FGF14: variants seen among roughly 807,000 people sequenced by gnomAD.
The protein encoded by FGF14 is fibroblast growth factor homologous factor 4.
Under a neutral mutation model 25.5 loss-of-function variants are expected in FGF14, and 5 were observed. The ratio of observed to expected loss-of-function variants is 0.20; its 90% CI spans 0.10 to 0.41. The LOEUF (loss-of-function observed/expected upper bound fraction) is 0.41, where lower values mean the gene tolerates loss of function less well. FGF14 is among the 10% of genes least tolerant of loss of function. FGF14 has a pLI of 1.00. For synonymous variants in FGF14, 138 were observed against 118.3 expected, an observed-to-expected ratio of 1.17 and a Z score of -1.08; for missense variants, 222 against 320.1, an observed-to-expected ratio of 0.69 and a Z score of 2.34.
upstream of FGF14, among the ~76,000 whole-genome samples, chr13:101,917,260 G>A (rs1256039125): frequency 6.6e-5 from 10 of 152,088 alleles, no homozygotes; most frequent in Admixed American, 6.5e-4. Flanking sequence ...CTTCTCCCCT[G>A]AGATCTCTAA....
chr13:102,054,689 TG>T (rs1238360931), intron 1 of FGF14, among the ~76,000 whole-genome samples: 2 of 152,204 alleles, frequency 1.3e-5, no homozygotes, highest in Non-Finnish European at 2.9e-5. Context: ...ACATCGCATC[TG>T]GATGTCTAAA....
intron 1 of FGF14, among the ~76,000 whole-genome samples, chr13:101,943,866 G>A (rs2035626212): frequency 7.0e-6 from 1 of 142,636 alleles, no homozygotes; most frequent in Non-Finnish European, 1.5e-5. Flanking sequence ...GCCAGGTGTG[G>A]TGGCGCATGC....
rs80058193 is a variant in FGF14 at position 102,285,952 on chromosome 13, C to A, written c.208+115519G>T. The stretch of plus-strand genomic sequence containing the variant: ...GGTGAGGAAGACTAAGGAGGGGGTA[C>A]CCCTCATGGAACAGGATTCAATAGC... On this transcript the variant is annotated intron_variant, in intron 1 of 4. Transcript: ENST00000376131. Among the ~76,000 whole-genome samples, 1,179 of 152,156 alleles carry A rather than the reference C, an allele frequency of 7.7e-3. 14 individuals are homozygous for A. Among genetic ancestry groups the A allele is most frequent in the African/African-American group, 0.026 (1,085 of 41,490 alleles).
At chr13:101,958,953 A>G (rs1408953773) in intron 1 of FGF14, among the ~76,000 whole-genome samples, 1 of 152,228 alleles carries the variant, frequency 6.6e-6, no homozygotes, top group Non-Finnish European at 1.5e-5. Flanking sequence ...TTATTGAGAT[A>G]CACAATCAGA....
intron 1 of FGF14, among the ~76,000 whole-genome samples, chr13:101,984,448 A>G (rs2038449004): frequency 6.6e-6 from 1 of 152,170 alleles, no homozygotes; most frequent in Non-Finnish European, 1.5e-5. Context: ...AATCTGTTTA[A>G]TAAGATGGAG....
chr13:102,106,500 G>A (rs956989228), intron 1 of FGF14, among the ~76,000 whole-genome samples: 3 of 145,556 alleles, frequency 2.1e-5, no homozygotes, highest in South Asian at 4.6e-4. Context: ...CTTGAACCCA[G>A]GGAGGCGGAG....
intron 1 of FGF14, among the ~76,000 whole-genome samples, chr13:102,084,657 T>G (rs533072869): frequency 1.3e-5 from 2 of 152,250 alleles, no homozygotes; most frequent in African/African-American, 4.8e-5. Context: ...AGGAAGCAAG[T>G]TGTTGAGGCA....
intron 1 of FGF14, among the ~76,000 whole-genome samples, chr13:102,088,811 A>G (rs755910146): frequency 8.5e-5 from 13 of 152,150 alleles, no homozygotes; most frequent in Non-Finnish European, 1.9e-4. Flanking sequence ...ATTATAGAAA[A>G]TGCTTGCCGT....
At chr13:102,215,019 T>A (rs1165723827) in intron 1 of FGF14, among the ~76,000 whole-genome samples, 1 of 152,204 alleles carries the variant, frequency 6.6e-6, no homozygotes, top group African/African-American at 2.4e-5. Context: ...AGATTCTTTT[T>A]TGGTGGGAAC....
rs372320790 is a variant in FGF14 at position 101,947,523 on chromosome 13, A to C, written c.209-72227T>G. Reference sequence around the variant, plus strand: ...TACAGCCATAAAAAAGAATGAAATCATGTCCTTTGCAGCAACATGGATGCA... The same window carrying C: ...TACAGCCATAAAAAAGAATGAAATCCTGTCCTTTGCAGCAACATGGATGCA... On this transcript the variant is annotated intron_variant, in intron 1 of 4. Transcript: ENST00000376131. Among the ~76,000 whole-genome samples, 92 of 152,368 alleles carry C rather than the reference A, an allele frequency of 6.0e-4. 3 individuals carry two copies. In the South Asian group the frequency reaches 0.019, roughly 31 times the overall value.
chr13:102,115,826 A>T (rs1348333825), intron 1 of FGF14, among the ~76,000 whole-genome samples: 3 of 152,152 alleles, frequency 2.0e-5, no homozygotes, highest in African/African-American at 7.2e-5. Flanking sequence ...AAGTAGAAAA[A>T]AACAGCAGGG....
At chr13:101,855,628 T>C (rs2044085792) in intron 3 of FGF14, among the ~76,000 whole-genome samples, 1 of 151,978 alleles carries the variant, frequency 6.6e-6, no homozygotes, top group Non-Finnish European at 1.5e-5. Flanking sequence ...TTATTATTTA[T>C]AAAAAAGTTA....
At chr13:101,943,183 G>T (rs1323454334) in intron 1 of FGF14, among the ~76,000 whole-genome samples, 2 of 152,164 alleles carry the variant, frequency 1.3e-5, no homozygotes, top group Non-Finnish European at 1.5e-5. Context: ...CAGTCTAGCT[G>T]GAAAGCCTAT....
At chr13:101,895,242 G>T (rs1377376167) in intron 1 of FGF14, among the ~76,000 whole-genome samples, 2 of 151,914 alleles carry the variant, frequency 1.3e-5, no homozygotes, top group East Asian at 1.9e-4. Context: ...CATTTTACAA[G>T]GTATATTAAG....
chr13:102,180,956 T>C (rs1228290002), intron 1 of FGF14, among the ~76,000 whole-genome samples: 2 of 152,162 alleles, frequency 1.3e-5, no homozygotes, highest in African/African-American at 4.8e-5. Context: ...TTAAAAATCA[T>C]GTTTATATTA....
chr13:102,255,209 T>C (rs184333428), intron 1 of FGF14, among the ~76,000 whole-genome samples: 31 of 152,278 alleles, frequency 2.0e-4, no homozygotes, highest in African/African-American at 7.2e-4. Flanking sequence ...CCACTTATTC[T>C]GATTAAATTT....
chr13:102,241,778 G>T (rs948731381), intron 1 of FGF14, among the ~76,000 whole-genome samples: 1 of 152,048 alleles, frequency 6.6e-6, no homozygotes, highest in African/African-American at 2.4e-5. Context: ...CAAACCACTG[G>T]GGACAAGGTT....
At chr13:101,746,500 G>A (rs768307430) in intron 3 of FGF14, among the ~76,000 whole-genome samples, 4 of 151,934 alleles carry the variant, frequency 2.6e-5, no homozygotes, top group South Asian at 2.1e-4. Context: ...ATGCAATGTC[G>A]AATGCAATTT....
At chr13:101,726,569 A>G in intron 4 of FGF14, 43 bp downstream of exon 4, 1 of 1,561,402 alleles carries the variant, frequency 6.4e-7, no homozygotes, top group Non-Finnish European at 8.8e-7. Context: ...AAAATAAAAT[A>G]TGTAATAAGT....
Sources: gnomAD v4.1 joint callset for allele counts (sites outside exome capture counted in the v4.1 genomes callset) on GRCh38, gnomAD v4.1.1 for gene constraint, MANE v1.5 for transcripts, NCBI Gene and HGNC (gene_info 2026-07-23, HGNC 2026-07-21) for gene names.